PLD5: variants seen among roughly 807,000 people sequenced by gnomAD.
The protein encoded by PLD5 is inactive phospholipase D5.
Under a neutral mutation model 61.1 loss-of-function variants are expected in PLD5, and 36 were observed. The observed-to-expected ratio is 0.59, with a 90% CI of 0.45 to 0.78. PLD5 has a LOEUF of 0.78. PLD5 is among the 30% of genes least tolerant of loss of function. The pLI is 0.00. For missense variants in PLD5, 515 were observed against 644.4 expected (o/e 0.80, Z 2.17); for synonymous variants, 243 against 242.8 (o/e 1.00, Z -0.01).
intron 4 of PLD5, among the ~76,000 whole-genome samples, chr1:242,226,122 TAATTA>T (rs1670924412): frequency 6.6e-6 from 1 of 152,258 alleles, no homozygotes; most frequent in African/African-American, 2.4e-5. Context: ...TGGCTTCATT[TAATTA>T]AATATATTTT....
rs190165364 is a variant in PLD5 at position 242,394,072 on chromosome 1, A to G, written c.190-45830T>C. Among the ~76,000 whole-genome samples the G allele has an allele frequency of 2.3e-4, 34 of 145,900 alleles. 5 individuals carry two copies. The highest frequency in any genetic ancestry group is 6.0e-5 in the Non-Finnish European group (4 of 66,876). ...GACTCCATCTCAAAAAAAAACATAT[A>G]TATATATGAGTATATATATGTATAT... On this transcript the variant is annotated intron_variant, in intron 1 of 9. Transcript: ENST00000536534.
At chr1:242,321,131 ACT>A (rs1370381807) in intron 2 of PLD5, among the ~76,000 whole-genome samples, 2 of 152,128 alleles carry the variant, frequency 1.3e-5, no homozygotes, top group Non-Finnish European at 2.9e-5. Flanking sequence ...AACAGAAGTA[ACT>A]CTGCAAAGCT....
intron 1 of PLD5, among the ~76,000 whole-genome samples, chr1:242,520,105 A>T (rs1314358326): frequency 6.6e-6 from 1 of 152,184 alleles, no homozygotes; most frequent in East Asian, 1.9e-4. Flanking sequence ...AGCCTTGACC[A>T]TGAACCTTTC....
At chr1:242,290,639 C>T (rs1356362843) in intron 2 of PLD5, among the ~76,000 whole-genome samples, 5 of 151,890 alleles carry the variant, frequency 3.3e-5, no homozygotes, top group African/African-American at 4.8e-5. Flanking sequence ...GAGTAAAGCG[C>T]TGCAATAGAC....
At chr1:242,482,123 A>G (rs947147319) in intron 1 of PLD5, among the ~76,000 whole-genome samples, 1 of 152,222 alleles carries the variant, frequency 6.6e-6, no homozygotes, top group African/African-American at 2.4e-5. Context: ...CAGAGCAGAA[A>G]AACTGAAAAT....
At chr1:242,161,131 G>A (rs980163148) in intron 5 of PLD5, among the ~76,000 whole-genome samples, 35 of 151,886 alleles carry the variant, frequency 2.3e-4, no homozygotes, top group African/African-American at 6.3e-4. Context: ...CTGTTCTTAC[G>A]CTGCTAATAA....
At chr1:242,497,905 G>A (rs1213344522) in intron 1 of PLD5, among the ~76,000 whole-genome samples, 2 of 152,222 alleles carry the variant, frequency 1.3e-5, no homozygotes, top group African/African-American at 4.8e-5. Flanking sequence ...AATAAAGCAG[G>A]AGCAGAGGGA....
chr1:242,481,064 A>C (rs1202158403), intron 1 of PLD5, among the ~76,000 whole-genome samples: 2 of 152,148 alleles, frequency 1.3e-5, no homozygotes, highest in Admixed American at 1.3e-4. Context: ...TGGCCAAATA[A>C]AGACTTCTGG....
chr1:242,198,723 A>AAAAAG (rs1668797456), intron 5 of PLD5, among the ~76,000 whole-genome samples: 1 of 148,746 alleles, frequency 6.7e-6, no homozygotes, highest in Non-Finnish European at 1.5e-5. Flanking sequence ...AAAAAAAAAA[A>AAAAAG]AGTAAAATAT....
chr1:242,326,431 T>G (rs1281592032), intron 2 of PLD5, among the ~76,000 whole-genome samples: 1 of 152,204 alleles, frequency 6.6e-6, no homozygotes, highest in Non-Finnish European at 1.5e-5. Flanking sequence ...ACTGGATTCC[T>G]GGTCCCTGTT....
intron 1 of PLD5, among the ~76,000 whole-genome samples, chr1:242,375,526 A>G (rs908330115): frequency 2.6e-5 from 4 of 152,226 alleles, no homozygotes; most frequent in Non-Finnish European, 5.9e-5. Context: ...AACACCTGAC[A>G]GCAGCAAGAC....
At chr1:242,415,704 G>A (rs1265341605) in intron 1 of PLD5, among the ~76,000 whole-genome samples, 4 of 151,764 alleles carry the variant, frequency 2.6e-5, no homozygotes, top group Non-Finnish European at 4.4e-5. Flanking sequence ...TAGTAGAGAC[G>A]GGGTTTCACC....
rs560845978 is a variant in PLD5 at position 242,250,681 on chromosome 1, T to G, written c.607+14656A>C. Among the ~76,000 whole-genome samples, 16 of 152,256 alleles carry G rather than the reference T, an allele frequency of 1.1e-4. 1 individual carries two copies. The South Asian group carries it at 2.5e-3, about 24-fold the overall frequency. Reference sequence around the variant, plus strand: ...TCCTAATACATAATAAAATAATACATTCAAATAAAACATTCAGCAAGCCGC... The same window carrying G: ...TCCTAATACATAATAAAATAATACAGTCAAATAAAACATTCAGCAAGCCGC... On this transcript the variant is annotated intron_variant, in intron 4 of 9. Transcript: ENST00000536534.
rs12059099 is a variant in PLD5, at chr1:242,371,273, C to A, written c.190-23031G>T. On this transcript the variant is annotated intron_variant, in intron 1 of 9. Coordinates refer to ENST00000536534, the MANE Select transcript of PLD5 (RefSeq NM_001372062.1). ...GGCTTAGAGTTAGGGTGAGAGAGAA[C>A]CTTTAAACCATCTAATCTAACTTTG... 9.9e-3 allele frequency among the ~76,000 whole-genome samples: 1,503 copies of A among 152,138 alleles called. 24 individuals carry two copies. The highest frequency in any genetic ancestry group is 0.034 in the African/African-American group (1,400 of 41,524).
At chr1:242,175,030 T>G (rs1667031476) in intron 5 of PLD5, among the ~76,000 whole-genome samples, 1 of 151,980 alleles carries the variant, frequency 6.6e-6, no homozygotes. Flanking sequence ...ACCCTAGAAC[T>G]TAAAGTATAA....
At chr1:242,381,814 T>C (rs541693901) in intron 1 of PLD5, among the ~76,000 whole-genome samples, 7 of 151,908 alleles carry the variant, frequency 4.6e-5, no homozygotes, top group African/African-American at 1.7e-4. Context: ...CTCCAACAAG[T>C]GTTAGGGGAG....
chr1:242,474,649 G>A (rs1028898916), intron 1 of PLD5, among the ~76,000 whole-genome samples: 7 of 152,206 alleles, frequency 4.6e-5, no homozygotes, highest in African/African-American at 1.4e-4. Context: ...TCTAGTAAAA[G>A]CATGGCCTAC....
intron 2 of PLD5, among the ~76,000 whole-genome samples, chr1:242,300,650 T>G (rs1675982257): frequency 6.6e-6 from 1 of 151,740 alleles, no homozygotes; most frequent in Non-Finnish European, 1.5e-5. Context: ...TGGTTTATAC[T>G]GTGTGATGAA....
In PLD5 at chr1:242,254,252, C is replaced by G. The variant is rs2653185; in HGVS notation, c.607+11085G>C. ...TAGTGGATGTCATTTACTAACAGTT[C>G]GTTATGAGGTAGGCACCTGCACCAG... On this transcript the variant is annotated intron_variant, in intron 4 of 9. Transcript: ENST00000536534. 3.4e-5 allele frequency among the ~76,000 whole-genome samples: 5 copies of G among 149,230 alleles called. No individual in the cohort carries two copies. The East Asian group carries it at 9.9e-4, about 30-fold the overall frequency.
Sources: gnomAD v4.1 joint callset for allele counts (sites outside exome capture counted in the v4.1 genomes callset) on GRCh38, gnomAD v4.1.1 for gene constraint, MANE v1.5 for transcripts, NCBI Gene and HGNC (gene_info 2026-07-23, HGNC 2026-07-21) for gene names.